Variants in ANO4 observed in about 807,000 individuals in gnomAD.
The protein encoded by ANO4 is anoctamin-4.
A neutral mutation model predicts 141.9 loss-of-function variants in ANO4; 69 were observed. The ratio of observed to expected loss-of-function variants is 0.49; its 90% CI spans 0.40 to 0.59. ANO4 has a LOEUF of 0.59. Ranked by LOEUF, ANO4 falls within the 20% of genes least tolerant of loss-of-function variation. ANO4 has a pLI of 0.00. For synonymous variants in ANO4, 350 were observed against 394.3 expected (o/e 0.89, Z 1.33); for missense variants, 894 against 1,162.2 (o/e 0.77, Z 3.36).
chr12:100,945,788 C>T (rs917436084), intron 5 of ANO4, among the ~76,000 whole-genome samples: 19 of 152,088 alleles, frequency 1.2e-4, no homozygotes, highest in African/African-American at 4.6e-4. Flanking sequence ...CCTTACAAAA[C>T]TAATATAATT....
intron 3 of ANO4, among the ~76,000 whole-genome samples, chr12:100,773,459 T>C (rs1057281436): frequency 6.6e-6 from 1 of 152,166 alleles, no homozygotes; most frequent in African/African-American, 2.4e-5. Context: ...TTTTGCATTA[T>C]CCTTTCCCCC....
At chr12:100,980,375 A>T (rs1013942623) in intron 7 of ANO4, among the ~76,000 whole-genome samples, 3 of 152,334 alleles carry the variant, frequency 2.0e-5, no homozygotes, top group Middle Eastern at 6.8e-3. Context: ...TCTTCATTTC[A>T]CATCAGAACA....
At chr12:100,789,188 G>A (rs76327548) in intron 3 of ANO4, among the ~76,000 whole-genome samples, 4,873 of 152,204 alleles carry the variant, frequency 0.032, 186 homozygotes, top group Admixed American at 0.12. Flanking sequence ...ACATAGTCAG[G>A]CATTGTTATT....
chr12:100,855,452 A>T (rs372057164), intron 1 of ANO4, among the ~76,000 whole-genome samples: 2 of 152,132 alleles, frequency 1.3e-5, no homozygotes, highest in African/African-American at 4.8e-5. Flanking sequence ...CAATCATGCC[A>T]TATATTTAAT....
intron 16 of ANO4, 31 bp from the exon 17 acceptor site, chr12:101,086,628 GA>G: frequency 6.2e-7 from 1 of 1,611,906 alleles, no homozygotes; most frequent in Non-Finnish European, 8.5e-7. Context: ...ATTCCACCAA[GA>G]GGTTCACCGG....
At position 100,983,734 on chromosome 12, in the gene ANO4, G is replaced by T. The variant is rs781225519; in HGVS notation, c.603-3805G>T. Among the ~76,000 whole-genome samples the T allele has an allele frequency of 2.0e-5, 3 of 152,158 alleles. No individual in the cohort carries two copies. In the East Asian group the frequency reaches 5.8e-4, roughly 29 times the overall value. On this transcript the variant is annotated intron_variant, in intron 7 of 27. Coordinates refer to ENST00000392977, the MANE Select transcript of ANO4 (RefSeq NM_001286615.2). ...TGCCACATCCCTCCTGCTAGAGAAA[G>T]TTCTGCTTTCAAAGGTCTCATGTGG...
At chr12:100,986,217 A>T (rs2044701352) in intron 7 of ANO4, among the ~76,000 whole-genome samples, 1 of 152,184 alleles carries the variant, frequency 6.6e-6, no homozygotes, top group Non-Finnish European at 1.5e-5. Flanking sequence ...GAGAGCAAGA[A>T]GTCCCGCAAT....
chr12:100,840,410 A>G (rs2037179983), intron 1 of ANO4, among the ~76,000 whole-genome samples: 1 of 152,158 alleles, frequency 6.6e-6, no homozygotes, highest in Non-Finnish European at 1.5e-5. Context: ...TATTGAAGGC[A>G]GTATGAAGCA....
At position 101,057,317 on chromosome 12, in the gene ANO4, G is replaced by A. The variant is rs150815146; in HGVS notation, c.1312+8916G>A. On this transcript the variant is annotated intron_variant, in intron 14 of 27. Coordinates refer to ENST00000392977, the MANE Select transcript of ANO4 (RefSeq NM_001286615.2). ...GTGAATAGTGCCACAATAAATATAC[G>A]TGTGCATGTGTCTTTATAGTAGAAT... Among the ~76,000 whole-genome samples, 982 of 152,202 alleles carry A rather than the reference G, an allele frequency of 6.5e-3. 10 individuals carry two copies. The highest frequency in any genetic ancestry group is 0.022 in the African/African-American group (933 of 41,524).
chr12:100,952,333 C>T (rs2136209671), intron 5 of ANO4, among the ~76,000 whole-genome samples: 1 of 152,300 alleles, frequency 6.6e-6, no homozygotes, highest in South Asian at 2.1e-4. Context: ...TAATTCCTAT[C>T]TCAAGGGCTA....
chr12:101,125,257 G>A (rs1247438642), intron 26 of ANO4, among the ~76,000 whole-genome samples: 2 of 151,980 alleles, frequency 1.3e-5, no homozygotes, highest in Non-Finnish European at 2.9e-5. Context: ...CCATGATTTG[G>A]CTTTCTGCTT....
intron 3 of ANO4, among the ~76,000 whole-genome samples, chr12:100,776,574 G>A (rs1239599555): frequency 6.6e-6 from 1 of 152,182 alleles, no homozygotes; most frequent in Admixed American, 6.5e-5. Flanking sequence ...CATTGTTTGA[G>A]CAAGAGTAAC....
At chr12:101,052,997 T>C (rs1471102447) in intron 14 of ANO4, among the ~76,000 whole-genome samples, 4 of 152,224 alleles carry the variant, frequency 2.6e-5, no homozygotes, top group African/African-American at 7.2e-5. Context: ...TTCCAAAGTG[T>C]GTCCACCATG....
intron 22 of ANO4, among the ~76,000 whole-genome samples, chr12:101,104,708 T>A (rs2050373536): frequency 6.8e-6 from 1 of 146,906 alleles, no homozygotes; most frequent in Non-Finnish European, 1.5e-5. Flanking sequence ...TTATACCATC[T>A]ATGTTGATAT....
intron 1 of ANO4, among the ~76,000 whole-genome samples, chr12:100,895,577 T>TTTTTA (rs2040308725): frequency 1.3e-5 from 2 of 151,296 alleles, no homozygotes; most frequent in African/African-American, 4.9e-5. Context: ...TTTTTTTTTT[T>TTTTTA]GAGACAGAGT....
intron 9 of ANO4, among the ~76,000 whole-genome samples, chr12:101,034,079 G>GA (rs2047095938): frequency 6.6e-6 from 1 of 152,164 alleles, no homozygotes; most frequent in Non-Finnish European, 1.5e-5. Flanking sequence ...AGACAGTGTG[G>GA]GGATTCCTCA....
intron 21 of ANO4, 31 bp from the exon 22 acceptor site, chr12:101,099,547 T>C: frequency 6.4e-7 from 1 of 1,569,826 alleles, no homozygotes; most frequent in Non-Finnish European, 8.6e-7. Flanking sequence ...ATCAGTTACA[T>C]TTTTTGTAAG....
intron 5 of ANO4, among the ~76,000 whole-genome samples, chr12:100,946,654 T>G (rs2042736411): frequency 6.6e-6 from 1 of 152,088 alleles, no homozygotes; most frequent in Admixed American, 6.6e-5. Flanking sequence ...GATATCCCAA[T>G]GGAGATGTTG....
chr12:101,097,570 G>A (rs1480443484), intron 19 of ANO4, 81 bp from the exon 20 acceptor site: 2 of 1,321,924 alleles, frequency 1.5e-6, no homozygotes, highest in Non-Finnish European at 2.2e-6. Context: ...TCACATTGGA[G>A]AATGTGCTAA....
Sources: gnomAD v4.1 joint callset for allele counts (sites outside exome capture counted in the v4.1 genomes callset) on GRCh38, gnomAD v4.1.1 for gene constraint, MANE v1.5 for transcripts, NCBI Gene and HGNC (gene_info 2026-07-23, HGNC 2026-07-21) for gene names.